Variants in NAV3 observed in about 807,000 individuals in gnomAD.
NAV3 encodes pore membrane and/or filament interacting like protein 1.
A neutral mutation model predicts 244.7 loss-of-function variants in NAV3; 87 were observed. That is an observed-to-expected ratio of 0.36 (90% CI 0.30 to 0.42). The LOEUF is 0.42. Ranked by LOEUF, NAV3 falls within the 20% of genes least tolerant of loss-of-function variation. The pLI, the probability that NAV3 is intolerant of heterozygous loss-of-function variation, is 1.00. For missense variants in NAV3, 2,663 were observed against 2,893.3 expected (o/e 0.92, Z 1.83); for synonymous variants, 1,126 against 1,042.2 (o/e 1.08, Z -1.55).
At chr12:78,149,792 T>C (rs936854293) in intron 22 of NAV3, among the ~76,000 whole-genome samples, 3 of 152,072 alleles carry the variant, frequency 2.0e-5, no homozygotes, top group Non-Finnish European at 2.9e-5. Context: ...AAGCATGATA[T>C]GTCAAGAGTG....
chr12:77,961,005 GTA>G (rs1261749744), intron 3 of NAV3, among the ~76,000 whole-genome samples: 1 of 145,548 alleles, frequency 6.9e-6, no homozygotes, highest in Non-Finnish European at 1.5e-5. Context: ...ACGCATATAT[GTA>G]TATATGTATA....
At chr12:78,067,737 C>T (rs1445925382) in intron 12 of NAV3, among the ~76,000 whole-genome samples, 2 of 151,908 alleles carry the variant, frequency 1.3e-5, no homozygotes, top group East Asian at 3.9e-4. Context: ...TACAACTGGC[C>T]CAAGTTGTAG....
At chr12:78,132,037 A>C (rs1235788512) in intron 18 of NAV3, among the ~76,000 whole-genome samples, 1 of 152,184 alleles carries the variant, frequency 6.6e-6, no homozygotes, top group Non-Finnish European at 1.5e-5. Context: ...TCAAGGACTC[A>C]TTTACCACAA....
chr12:77,728,292 G>A (rs577100521), intron 2 of NAV3, among the ~76,000 whole-genome samples: 1 of 152,044 alleles, frequency 6.6e-6, no homozygotes, highest in Admixed American at 6.6e-5. Context: ...AGTGTTTTGA[G>A]TAATATATTG....
chr12:77,871,383 C>T (rs183834376), intron 1 of NAV3, among the ~76,000 whole-genome samples: 1 of 152,204 alleles, frequency 6.6e-6, no homozygotes, highest in African/African-American at 2.4e-5. Flanking sequence ...TTATTTGCTG[C>T]ACCCATCAAT....
chr12:77,784,548 GA>G (rs1463840363), intron 2 of NAV3, among the ~76,000 whole-genome samples: 2 of 152,080 alleles, frequency 1.3e-5, no homozygotes, highest in African/African-American at 4.8e-5. Context: ...GTAGGGCAGG[GA>G]AAAATCTATT....
intron 2 of NAV3, among the ~76,000 whole-genome samples, chr12:77,643,235 CT>C (rs1872493739): frequency 6.6e-6 from 1 of 151,922 alleles, no homozygotes; most frequent in Non-Finnish European, 1.5e-5. Context: ...AGAATTGTAA[CT>C]TTTAATAACC....
At position 78,177,658 on chromosome 12, in the gene NAV3, G is replaced by A. The variant is rs561651492; in HGVS notation, c.5336G>A (p.Gly1779Asp). The A allele has an allele frequency of 1.9e-6, 3 of 1,597,188 alleles. No homozygotes were observed. The South Asian group carries it at 3.3e-5, about 18-fold the overall frequency. The change falls in exon 28 of 40, where the codon GGC becomes GAC. Residue 1779 changes from glycine (G) to aspartate (D), a missense_variant. Gly to Asp is a moderately conservative substitution (Grantham distance 94, BLOSUM62 -1). This residue lies in a region of NAV3 where 193 missense variants were observed against 200.7 expected (regional missense o/e 0.96). Coordinates refer to ENST00000397909, the MANE Select transcript of NAV3 (RefSeq NM_001024383.2). ...TGGCCACCAAAGAAACGACAAAATG[G>A]CCCTGTGATCTACAAGCATAGATCT... ...LVWPPKKRQN[G>D]PVIYKHRSRI... is the part of the protein sequence containing the mutation.
At chr12:78,068,483 T>G (rs2137571593) in intron 12 of NAV3, among the ~76,000 whole-genome samples, 1 of 150,716 alleles carries the variant, frequency 6.6e-6, no homozygotes, top group Non-Finnish European at 1.5e-5. Context: ...TTGCAGATTG[T>G]CAATAGATCT....
chr12:78,030,567 G>A (rs984620675), intron 9 of NAV3, among the ~76,000 whole-genome samples: 1 of 152,156 alleles, frequency 6.6e-6, no homozygotes, highest in African/African-American at 2.4e-5. Context: ...AATAAACTCA[G>A]AAGATTGTTG....
chr12:78,039,267 GT>G lies in NAV3; in HGVS notation c.2024-10724del, dbSNP rs371202637. ...GAATTTCTACCACGTGCTTCAATAGGTTCTGTTTACGACTCAAAATGGCCTC... is the reference window on the plus strand; with the variant it reads ...GAATTTCTACCACGTGCTTCAATAGGTCTGTTTACGACTCAAAATGGCCTC... On this transcript the variant is annotated intron_variant, in intron 9 of 39. Coordinates refer to ENST00000397909, the MANE Select transcript of NAV3 (RefSeq NM_001024383.2). Among the ~76,000 whole-genome samples, 50 of 152,150 alleles carry G rather than the reference GT, an allele frequency of 3.3e-4. No individual in the cohort carries two copies. In the East Asian group the frequency reaches 8.5e-3, roughly 26 times the overall value.
intron 20 of NAV3, among the ~76,000 whole-genome samples, chr12:78,144,634 G>T (rs1956774159): frequency 6.6e-6 from 1 of 151,912 alleles, no homozygotes; most frequent in Non-Finnish European, 1.5e-5. Flanking sequence ...TAATGATTAT[G>T]CTTGCTACTA....
At chr12:77,836,373 C>G (rs537537380) in intron 1 of NAV3, among the ~76,000 whole-genome samples, 1 of 152,310 alleles carries the variant, frequency 6.6e-6, no homozygotes, top group Admixed American at 6.5e-5. Context: ...CAACTTCTTT[C>G]CAGTCTTGGG....
At chr12:77,973,105 T>TA (rs1020770735) in intron 5 of NAV3, among the ~76,000 whole-genome samples, 1 of 152,200 alleles carries the variant, frequency 6.6e-6, no homozygotes, top group African/African-American at 2.4e-5. Context: ...AAAGCTTTTT[T>TA]AAAAGACGTG....
intron 2 of NAV3, among the ~76,000 whole-genome samples, chr12:77,640,243 G>A (rs986608731): frequency 6.6e-6 from 1 of 152,132 alleles, no homozygotes; most frequent in Non-Finnish European, 1.5e-5. Context: ...ATACAGCAGA[G>A]AGAGAGAGGG....
At chr12:78,082,087 A>C (rs1487025157) in intron 12 of NAV3, among the ~76,000 whole-genome samples, 1 of 152,130 alleles carries the variant, frequency 6.6e-6, no homozygotes, top group Non-Finnish European at 1.5e-5. Flanking sequence ...GTCTCATGAG[A>C]TCTGATGGTT....
chr12:77,898,198 C>A (rs745558486), intron 1 of NAV3, among the ~76,000 whole-genome samples: 1 of 152,128 alleles, frequency 6.6e-6, no homozygotes, highest in Non-Finnish European at 1.5e-5. Context: ...TGATTTCCGT[C>A]CCAACCATCA....
At chr12:77,805,977 A>T (rs1871958596) in intron 2 of NAV3, among the ~76,000 whole-genome samples, 1 of 152,032 alleles carries the variant, frequency 6.6e-6, no homozygotes, top group Admixed American at 6.6e-5. Context: ...GTATTCTCTG[A>T]TGGTAGTTTG....
chr12:77,591,216 C>A (rs1441672931), intron 2 of NAV3, among the ~76,000 whole-genome samples: 1 of 152,166 alleles, frequency 6.6e-6, no homozygotes, highest in Admixed American at 6.5e-5. Context: ...CCATTTGAAA[C>A]CTTATTTCTA....
Sources: allele counts gnomAD v4.1 joint callset (sites outside exome capture counted in the v4.1 genomes callset), GRCh38; gene constraint gnomAD v4.1.1; regional missense constraint gnomAD v4.1.1; transcripts MANE v1.5; gene names NCBI Gene and HGNC (gene_info 2026-07-23, HGNC 2026-07-21).